The following SLC37A2 variants were observed in gnomAD, a reference collection of about 807,000 sequenced individuals.
SLC37A2 encodes the protein glucose-6-phosphate exchanger SLC37A2.
In SLC37A2, 59 loss-of-function variants were observed where a neutral mutation model predicts 70.7. The observed-to-expected ratio is 0.83, with a 90% CI of 0.68 to 1.04. The LOEUF (loss-of-function observed/expected upper bound fraction) is 1.04, where lower values mean the gene tolerates loss of function less well. Among genes scored for constraint, SLC37A2 ranks in the 50% least tolerant of loss-of-function variants. The pLI is 0.00. For missense variants in SLC37A2, 580 were observed against 658.1 expected (o/e 0.88, Z 1.30); for synonymous variants, 257 against 262.1 (o/e 0.98, Z 0.19).
Position 125,085,635 on chromosome 11 carries a change from C to T in SLC37A2, c.1386C>T (p.Val462=). Reference sequence around the variant, plus strand: ...TCTCCCCCACGGGCTGGAACAATGTCTTCTACATGCTCATCTCTGCCGACG... The same window carrying T: ...TCTCCCCCACGGGCTGGAACAATGTTTTCTACATGCTCATCTCTGCCGACG... ...GLISPTGWNN[V]FYMLISADVL... Residue 462 remains valine (V), a synonymous_variant, in exon 16 of 18, where the codon GTC becomes GTT. Coordinates refer to ENST00000403796, the MANE Select transcript of SLC37A2 (RefSeq NM_001145290.2). The T allele has an allele frequency of 1.9e-6, 3 of 1,613,772 alleles. No individual in the cohort carries two copies. Among genetic ancestry groups the T allele is most frequent in the African/African-American group, 1.3e-5 (1 of 75,044 alleles).
Position 125,081,924 on chromosome 11 carries a change from T to C in SLC37A2, c.885+18T>C. ...GGATCCCAGTAAGAAGTTTGTGGAA[T>C]GGAGGAAAGAGAGGGGCTTTCCAGA... On this transcript the variant is annotated intron_variant, in intron 9 of 17. Coordinates refer to ENST00000403796, the MANE Select transcript of SLC37A2 (RefSeq NM_001145290.2). The C allele has an allele frequency of 6.3e-7, 1 of 1,588,736 alleles. No homozygotes were observed. Among genetic ancestry groups the C allele is most frequent in the South Asian group, 1.1e-5 (1 of 88,472 alleles).
In SLC37A2 at chr11:125,088,434, C is replaced by A; in HGVS notation, c.*300C>A. 2.8e-6 allele frequency: 1 copy of A among 351,856 alleles called. No homozygotes were observed. The allele number at this position is 351,856 out of a possible 1,614,324, so 21.8% of individuals were successfully genotyped here. Reference sequence around the variant, plus strand: ...GATAAGGAAAGGATATGCTCAGACTCTTGCTTGTTCAGATTCCAAGACAGA... The same window carrying A: ...GATAAGGAAAGGATATGCTCAGACTATTGCTTGTTCAGATTCCAAGACAGA... On this transcript the variant is annotated 3_prime_UTR_variant, in exon 18 of 18. Transcript: ENST00000403796.
Position 125,083,741 on chromosome 11 carries a change from G to A in SLC37A2, c.977-74G>A. The A allele has an allele frequency of 7.4e-7, 1 of 1,352,324 alleles. No individual in the cohort carries two copies. Among genetic ancestry groups the A allele is most frequent in the Non-Finnish European group, 1.1e-6 (1 of 941,930 alleles). 83.8% of individuals were successfully genotyped at this position (1,352,324 alleles called of 1,614,324 possible). A position where few individuals can be genotyped will look rare whatever the true frequency, so the allele number is the denominator to read the frequency against. ...GCAGTGGTCTGGATCACGCTCTGCA[G>A]GGCTTCTAGCTGTGACACTCCAGGA... On this transcript the variant is annotated intron_variant, in intron 10 of 17. Coordinates refer to ENST00000403796, the MANE Select transcript of SLC37A2 (RefSeq NM_001145290.2). The surrounding 1 kb of genome is among the most constrained non-coding windows in gnomAD (Gnocchi z 4.6).
Position 125,063,451 on chromosome 11 carries a change from G to C in SLC37A2, c.59+25G>C, listed in dbSNP as rs1424556212. The C allele has an allele frequency of 1.2e-6, 2 of 1,604,030 alleles. No individual in the cohort carries two copies. Among genetic ancestry groups the C allele is most frequent in the South Asian group, 1.1e-5 (1 of 89,262 alleles). On this transcript the variant is annotated intron_variant, in intron 1 of 17. Transcript: ENST00000403796. This position sits in a 1 kb window ranked among gnomAD's most constrained non-coding sequence, Gnocchi z 5.4. ...GGTGAGCGGGGCAGGGGAGGGAGGCGTGCCGGGACCTCCTGGGCTCGGGGC... is the reference window on the plus strand; with the variant it reads ...GGTGAGCGGGGCAGGGGAGGGAGGCCTGCCGGGACCTCCTGGGCTCGGGGC...
In SLC37A2 at chr11:125,081,821, G is replaced by A. The variant is rs764529052; in HGVS notation, c.800G>A (p.Ser267Asn). Residue 267 changes from serine (S) to asparagine (N), a missense_variant, in exon 9 of 18, where the codon AGC (serine) becomes AAC (asparagine). Ser to Asn is a conservative substitution (Grantham distance 46). Transcript: ENST00000403796. ...PGNSPCSIRE[S>N]GLETVAKCSK... ...AACAGTCCCTGCTCTATCAGGGAGA[G>A]CGGCCTTGAGACTGTGGCCAAATGC... 5 of 1,614,010 alleles carry A rather than the reference G, an allele frequency of 3.1e-6. No individual in the cohort carries two copies. Among genetic ancestry groups the A allele is most frequent in the East Asian group, 2.2e-5 (1 of 44,874 alleles).
intron 1 of SLC37A2, among the ~76,000 whole-genome samples, chr11:125,064,599 CCTT>C (rs1948964798): frequency 1.3e-5 from 2 of 152,284 alleles, no homozygotes; most frequent in Non-Finnish European, 2.9e-5. Flanking sequence ...TCAATTCTAA[CCTT>C]CTTCACTCGT....
At chr11:125,087,904 T>G in intron 17 of SLC37A2, 1 of 517,288 alleles carries the variant, frequency 1.9e-6, no homozygotes, top group Non-Finnish European at 3.5e-6. Flanking sequence ...AGTGCTGGGA[T>G]TACAGGTGTG....
At chr11:125,076,729 C>A in intron 1 of SLC37A2, 28 bp from the exon 2 acceptor site, 12 of 1,611,562 alleles carry the variant, frequency 7.4e-6, no homozygotes, top group Non-Finnish European at 1.0e-5. Flanking sequence ...TGACTTCCCA[C>A]TAACGCAGAT....
chr11:125,081,937 G>A (rs368922222), intron 9 of SLC37A2, 31 bp downstream of exon 9: 19 of 1,568,734 alleles, frequency 1.2e-5, no homozygotes, highest in South Asian at 2.3e-5. Context: ...AGGAAAGAGA[G>A]GGGCTTTCCA....
intron 10 of SLC37A2, 114 bp downstream of exon 10, chr11:125,082,448 C>G (rs1182077149): frequency 1.1e-6 from 1 of 882,492 alleles, no homozygotes; most frequent in Non-Finnish European, 1.9e-6. Context: ...GGCAGAATTC[C>G]TGCTGAACCT....
At chr11:125,086,596 C>T (rs562964483) in intron 17 of SLC37A2, 7 of 353,120 alleles carry the variant, frequency 2.0e-5, no homozygotes, top group South Asian at 1.6e-4. Flanking sequence ...GGTCATCTGG[C>T]CCCTCTGCCT....
In SLC37A2 at chr11:125,063,577, C is replaced by A; in HGVS notation, c.59+151C>A. On this transcript the variant is annotated intron_variant, in intron 1 of 17. Coordinates refer to ENST00000403796, the MANE Select transcript of SLC37A2 (RefSeq NM_001145290.2). The surrounding 1 kb of genome is among the most constrained non-coding windows in gnomAD (Gnocchi z 5.4). Reference sequence around the variant, plus strand: ...GGGACTTGGTCCCGAGCTCCTCCAGCGGCGCCCGCCTCGGAGGTTGATAAC... The same window carrying A: ...GGGACTTGGTCCCGAGCTCCTCCAGAGGCGCCCGCCTCGGAGGTTGATAAC... 1 of 682,572 alleles carries A rather than the reference C, an allele frequency of 1.5e-6. No individual in the cohort carries two copies. Among genetic ancestry groups the A allele is most frequent in the Non-Finnish European group, 2.3e-6 (1 of 427,814 alleles). 42.3% of individuals were successfully genotyped at this position (682,572 alleles called of 1,614,324 possible).
intron 17 of SLC37A2, 85 bp downstream of exon 17, chr11:125,086,103 G>C: frequency 6.4e-7 from 1 of 1,555,510 alleles, no homozygotes; most frequent in Non-Finnish European, 8.9e-7. Context: ...CCAAACGCAG[G>C]CTGAGGCTCG....
chr11:125,085,299 CCA>C, intron 14 of SLC37A2, 94 bp from the exon 15 acceptor site: 6 of 1,363,424 alleles, frequency 4.4e-6, no homozygotes, highest in Non-Finnish European at 6.1e-6. Context: ...AGCCCAAACC[CCA>C]GTTACCACCT....
intron 1 of SLC37A2, among the ~76,000 whole-genome samples, chr11:125,065,237 G>A (rs1948969691): frequency 6.6e-6 from 1 of 152,108 alleles, no homozygotes; most frequent in African/African-American, 2.4e-5. Flanking sequence ...CTCCTGTTTT[G>A]ATTTTTAAGA....
At chr11:125,077,391 A>T (rs1346852430) in intron 3 of SLC37A2, 59 bp from the exon 4 acceptor site, 4 of 1,595,966 alleles carry the variant, frequency 2.5e-6, no homozygotes, top group Non-Finnish European at 3.4e-6. Context: ...CTGTCCAGGG[A>T]GGGCTTCCTG....
At chr11:125,085,827 C>A (rs1232806411) in intron 16 of SLC37A2, 127 bp from the exon 17 acceptor site, 18 of 1,243,362 alleles carry the variant, frequency 1.4e-5, no homozygotes, top group Non-Finnish European at 2.1e-5. Flanking sequence ...CCCGAGTGAC[C>A]CCTTGCCAAG....
Position 125,077,627 on chromosome 11 carries a change from T to G in SLC37A2, c.314+99T>G, listed in dbSNP as rs1045873728. The G allele has an allele frequency of 1.0e-5, 9 of 903,862 alleles. No homozygotes were observed. The African/African-American group carries it at 1.3e-4, about 13-fold the overall frequency. 56.0% of individuals were successfully genotyped at this position (903,862 alleles called of 1,614,324 possible). ...GGGCAGCTGGGAATGAGCCCAGGGA[T>G]GCTGCATGTACAATCCACCCACAGC... On this transcript the variant is annotated intron_variant, in intron 4 of 17. Coordinates refer to ENST00000403796, the MANE Select transcript of SLC37A2 (RefSeq NM_001145290.2).
chr11:125,069,880 C>A (rs955265476), intron 1 of SLC37A2, among the ~76,000 whole-genome samples: 6 of 152,252 alleles, frequency 3.9e-5, no homozygotes, highest in African/African-American at 1.4e-4. Flanking sequence ...AATGGCTTGT[C>A]CATGGCGTTT....
Sources: allele counts gnomAD v4.1 joint callset (sites outside exome capture counted in the v4.1 genomes callset), GRCh38; gene constraint gnomAD v4.1.1; non-coding constraint Gnocchi (gnomAD v3.1); transcripts MANE v1.5; gene names NCBI Gene and HGNC (gene_info 2026-07-23, HGNC 2026-07-21).